The following RHOJ variants were observed in gnomAD, a reference collection of about 807,000 sequenced individuals.
RHOJ encodes ras homolog family member J.
Under a neutral mutation model 23.4 loss-of-function variants are expected in RHOJ, and 11 were observed. That is an observed-to-expected ratio of 0.47 (90% CI 0.30 to 0.78). The LOEUF (loss-of-function observed/expected upper bound fraction) is 0.78. Among genes scored for constraint, RHOJ ranks in the 30% least tolerant of loss-of-function variants. The pLI, the probability that RHOJ is intolerant of heterozygous loss-of-function variation, is 0.08. For missense variants in RHOJ, 254 were observed against 273.4 expected, an observed-to-expected ratio of 0.93 and a Z score of 0.50; for synonymous variants, 102 against 102.7, an observed-to-expected ratio of 0.99 and a Z score of 0.04.
intron 3 of RHOJ, among the ~76,000 whole-genome samples, chr14:63,281,674 T>C (rs1047674740): frequency 6.6e-6 from 1 of 152,208 alleles, no homozygotes; most frequent in African/African-American, 2.4e-5. Flanking sequence ...TTAAAACACA[T>C]ATACCAGCTA....
At chr14:63,209,205 A>G (rs531273125) in intron 1 of RHOJ, among the ~76,000 whole-genome samples, 3 of 152,138 alleles carry the variant, frequency 2.0e-5, no homozygotes, top group South Asian at 2.1e-4. Flanking sequence ...CCTACTTCCA[A>G]TCTTGCCCCC....
intron 2 of RHOJ, among the ~76,000 whole-genome samples, chr14:63,269,959 T>C (rs1403464493): frequency 2.0e-5 from 3 of 152,180 alleles, no homozygotes; most frequent in Non-Finnish European, 4.4e-5. Flanking sequence ...GGAGGGGAAG[T>C]GGTTAAGCAA....
chr14:63,266,543 T>G (rs1180475266), intron 1 of RHOJ, among the ~76,000 whole-genome samples: 1 of 152,246 alleles, frequency 6.6e-6, no homozygotes, highest in African/African-American at 2.4e-5. Context: ...CTAACAATGT[T>G]GATTCTTCCA....
chr14:63,279,257 T>C (rs867578842), intron 2 of RHOJ, among the ~76,000 whole-genome samples: 6 of 152,222 alleles, frequency 3.9e-5, no homozygotes, highest in African/African-American at 1.2e-4. Flanking sequence ...ATATCATAGG[T>C]GTGAACATAT....
intron 3 of RHOJ, among the ~76,000 whole-genome samples, chr14:63,282,597 A>T (rs1028272904): frequency 1.3e-5 from 2 of 151,850 alleles, no homozygotes; most frequent in African/African-American, 4.8e-5. Context: ...TGCCTTCCAG[A>T]GCTTGCAGAA....
At chr14:63,264,194 T>C (rs1895325368) in intron 1 of RHOJ, among the ~76,000 whole-genome samples, 1 of 152,062 alleles carries the variant, frequency 6.6e-6, no homozygotes, top group South Asian at 2.1e-4. Flanking sequence ...ACTCTAGTAG[T>C]CCCCACTGTC....
chr14:63,252,942 G>C (rs1895097551), intron 1 of RHOJ, among the ~76,000 whole-genome samples: 1 of 152,166 alleles, frequency 6.6e-6, no homozygotes, highest in Non-Finnish European at 1.5e-5. Context: ...GGAACATGAA[G>C]ATGAGATCAT....
At chr14:63,285,343 G>A (rs1281306578) in intron 4 of RHOJ, among the ~76,000 whole-genome samples, 1 of 152,138 alleles carries the variant, frequency 6.6e-6, no homozygotes, top group Non-Finnish European at 1.5e-5. Context: ...CCTATAATCT[G>A]AAAAGAAACC....
chr14:63,217,705 TA>T (rs1331522820), intron 1 of RHOJ, among the ~76,000 whole-genome samples: 1 of 152,104 alleles, frequency 6.6e-6, no homozygotes, highest in African/African-American at 2.4e-5. Context: ...CTAATTAAAC[TA>T]AAGAGCTTCT....
chr14:63,223,513 CAG>C (rs1894536589), intron 1 of RHOJ, among the ~76,000 whole-genome samples: 1 of 152,204 alleles, frequency 6.6e-6, no homozygotes, highest in South Asian at 2.1e-4. Flanking sequence ...TTATTATCTG[CAG>C]AGTTTCATGG....
chr14:63,245,990 AG>A (rs1894969740), intron 1 of RHOJ, among the ~76,000 whole-genome samples: 1 of 152,164 alleles, frequency 6.6e-6, no homozygotes, highest in South Asian at 2.1e-4. Context: ...ATAAACCCAA[AG>A]GAGACTCCAT....
intron 1 of RHOJ, among the ~76,000 whole-genome samples, chr14:63,212,811 T>C (rs1401822490): frequency 6.6e-6 from 1 of 152,226 alleles, no homozygotes; most frequent in Non-Finnish European, 1.5e-5. Context: ...GCTAAATATG[T>C]AAAATAACAA....
intron 2 of RHOJ, among the ~76,000 whole-genome samples, chr14:63,278,997 T>C (rs1881815209): frequency 6.6e-6 from 1 of 152,000 alleles, no homozygotes; most frequent in Non-Finnish European, 1.5e-5. Context: ...AATAATAAAA[T>C]AAAGTAAAAT....
At chr14:63,286,782 C>G (rs1160627421) in intron 4 of RHOJ, among the ~76,000 whole-genome samples, 1 of 152,206 alleles carries the variant, frequency 6.6e-6, no homozygotes, top group Non-Finnish European at 1.5e-5. Flanking sequence ...AAGTAACACA[C>G]TTTACATTAT....
chr14:63,249,398 TG>T (rs1005404955), intron 1 of RHOJ, among the ~76,000 whole-genome samples: 1 of 152,198 alleles, frequency 6.6e-6, no homozygotes, highest in Non-Finnish European at 1.5e-5. Context: ...TGCTGGCCTC[TG>T]GCAGTGATTT....
rs914197127 is a variant in RHOJ at position 63,286,074 on chromosome 14, G to A, written c.498+2858G>A. Among the ~76,000 whole-genome samples, 3 of 152,268 alleles carry A rather than the reference G, an allele frequency of 2.0e-5. No homozygotes were observed. In the East Asian group the frequency reaches 5.8e-4, roughly 29 times the overall value. Reference sequence around the variant, plus strand: ...ACATGCACAGGTGGGATTTAAAGCAGCAAAATTGCTGCAAACACCCTGTCA... The same window carrying A: ...ACATGCACAGGTGGGATTTAAAGCAACAAAATTGCTGCAAACACCCTGTCA... On this transcript the variant is annotated intron_variant, in intron 4 of 4. Coordinates refer to ENST00000316754, the MANE Select transcript of RHOJ (RefSeq NM_020663.5).
At chr14:63,230,823 G>T (rs1894678665) in intron 1 of RHOJ, among the ~76,000 whole-genome samples, 1 of 144,120 alleles carries the variant, frequency 6.9e-6, no homozygotes, top group Non-Finnish European at 1.5e-5. Flanking sequence ...GTGAATGGAA[G>T]TTTACAAGGG....
chr14:63,263,077 G>A (rs748320323), intron 1 of RHOJ, among the ~76,000 whole-genome samples: 5 of 152,124 alleles, frequency 3.3e-5, no homozygotes, highest in African/African-American at 4.8e-5. Context: ...GCATTTTCTC[G>A]TTTAATTTCC....
intron 1 of RHOJ, among the ~76,000 whole-genome samples, chr14:63,260,766 G>A (rs1259564524): frequency 6.6e-6 from 1 of 151,910 alleles, no homozygotes; most frequent in Non-Finnish European, 1.5e-5. Flanking sequence ...TGTGTAAATG[G>A]TTTCCAACTG....
Sources: allele counts gnomAD v4.1 joint callset (sites outside exome capture counted in the v4.1 genomes callset), GRCh38; gene constraint gnomAD v4.1.1; transcripts MANE v1.5; gene names NCBI Gene and HGNC (gene_info 2026-07-23, HGNC 2026-07-21).